The following PRR16 variants were observed in gnomAD, a reference collection of about 807,000 sequenced individuals.
The protein encoded by PRR16 is proline rich 16, also known as protein Largen.
PRR16 carries 6 observed loss-of-function variants against 18.2 expected under a neutral mutation model. The ratio of observed to expected loss-of-function variants is 0.33; its 90% confidence interval spans 0.18 to 0.65. PRR16 has a LOEUF of 0.65. Among genes scored for constraint, PRR16 ranks in the 30% least tolerant of loss-of-function variants. The pLI is 0.74. For missense variants in PRR16, 412 were observed against 376.6 expected (o/e 1.09, Z -0.78); for synonymous variants, 151 against 147.8 (o/e 1.02, Z -0.16).
chr5:120,613,764 T>C (rs78554494), intron 1 of PRR16, among the ~76,000 whole-genome samples: 3,525 of 152,234 alleles, frequency 0.023, 36 homozygotes, highest in South Asian at 0.035. Context: ...GACTGAACCT[T>C]GCATTTCAAT....
intron 1 of PRR16, among the ~76,000 whole-genome samples, chr5:120,490,700 T>C (rs1413143303): frequency 1.3e-5 from 2 of 152,262 alleles, no homozygotes; most frequent in Non-Finnish European, 2.9e-5. Flanking sequence ...GGTGAGGAAC[T>C]GCGTTCCTTT....
At chr5:120,589,658 A>G (rs1412343523) in intron 1 of PRR16, among the ~76,000 whole-genome samples, 1 of 152,088 alleles carries the variant, frequency 6.6e-6, no homozygotes, top group African/African-American at 2.4e-5. Flanking sequence ...AAAATGAGGA[A>G]GATGTGAAAG....
At chr5:120,467,745 A>C (rs1749148486) in intron 1 of PRR16, among the ~76,000 whole-genome samples, 1 of 152,168 alleles carries the variant, frequency 6.6e-6, no homozygotes, top group African/African-American at 2.4e-5. Flanking sequence ...GCAGAGGAAC[A>C]GGCTTTCTAG....
the PRR16 span, among the ~76,000 whole-genome samples, chr5:120,761,956 G>C: frequency 1.3e-5 from 2 of 151,894 alleles, no homozygotes; most frequent in Non-Finnish European, 2.9e-5. Flanking sequence ...TCCCATATAT[G>C]AGCGAAAATA....
At chr5:120,523,515 T>C (rs1306152809) in intron 1 of PRR16, among the ~76,000 whole-genome samples, 3 of 152,208 alleles carry the variant, frequency 2.0e-5, no homozygotes, top group African/African-American at 7.2e-5. Context: ...TCAATGAATA[T>C]GGTTTATTTT....
chr5:120,487,953 T>C (rs6882697), intron 1 of PRR16, among the ~76,000 whole-genome samples: 3,776 of 152,298 alleles, frequency 0.025, 121 homozygotes, highest in African/African-American at 0.074. Context: ...ATTACGTTTA[T>C]TGATTTGTGT....
chr5:120,779,105 A>C, the PRR16 span, among the ~76,000 whole-genome samples: 1 of 152,270 alleles, frequency 6.6e-6, no homozygotes, highest in Non-Finnish European at 1.5e-5. Flanking sequence ...TGCACACGTT[A>C]ACATTAGATT....
the PRR16 span, among the ~76,000 whole-genome samples, chr5:120,744,007 CTGT>C: frequency 6.6e-6 from 1 of 151,900 alleles, no homozygotes; most frequent in Non-Finnish European, 1.5e-5. Flanking sequence ...TCATCTCTTT[CTGT>C]TGTTTTATAA....
chr5:120,522,129 C>T (rs1159515068), intron 1 of PRR16, among the ~76,000 whole-genome samples: 2 of 152,180 alleles, frequency 1.3e-5, no homozygotes, highest in East Asian at 3.9e-4. Context: ...CTGCAATAAA[C>T]ATACGTGTGC....
intron 1 of PRR16, among the ~76,000 whole-genome samples, chr5:120,677,305 CCTGCCTCGCCT>C (rs1756830155): frequency 1.3e-5 from 2 of 152,272 alleles, no homozygotes; most frequent in Middle Eastern, 3.4e-3. Flanking sequence ...TTCACTACTT[CCTGCCTCGCCT>C]CTGTTAGGCT....
At chr5:120,749,457 T>C in the PRR16 span, among the ~76,000 whole-genome samples, 2 of 152,172 alleles carry the variant, frequency 1.3e-5, no homozygotes, top group Non-Finnish European at 2.9e-5. Flanking sequence ...TATAAATTAT[T>C]ATAGAAAAGT....
the PRR16 span, among the ~76,000 whole-genome samples, chr5:120,717,461 A>G: frequency 1.3e-5 from 2 of 152,168 alleles, no homozygotes; most frequent in African/African-American, 2.4e-5. Context: ...TGATGATTTG[A>G]TTAATAATCT....
At chr5:120,535,074 C>G (rs558293473) in intron 1 of PRR16, among the ~76,000 whole-genome samples, 1 of 76,546 alleles carries the variant, frequency 1.3e-5, no homozygotes, top group African/African-American at 4.8e-5. Context: ...ACTCACTTTA[C>G]ACGTGTGTGT....
At chr5:120,581,858 T>C (rs551944556) in intron 1 of PRR16, among the ~76,000 whole-genome samples, 58 of 152,198 alleles carry the variant, frequency 3.8e-4, no homozygotes, top group Non-Finnish European at 2.9e-4. Context: ...AGTTCTAATA[T>C]GATTTCACTG....
chr5:120,731,420 C>T, the PRR16 span, among the ~76,000 whole-genome samples: 1 of 152,038 alleles, frequency 6.6e-6, no homozygotes, highest in Non-Finnish European at 1.5e-5. Context: ...GCTTGTACCA[C>T]CTCATAGAAA....
chr5:120,682,183 G>A (rs1756993813), intron 1 of PRR16, among the ~76,000 whole-genome samples: 1 of 152,176 alleles, frequency 6.6e-6, no homozygotes, highest in Non-Finnish European at 1.5e-5. Context: ...TCTTCTGTCA[G>A]AGGACCTTTA....
chr5:120,726,637 ATAGT>A, the PRR16 span, among the ~76,000 whole-genome samples: 6 of 152,218 alleles, frequency 3.9e-5, no homozygotes, highest in African/African-American at 1.4e-4. Context: ...ATATGATTTG[ATAGT>A]TAATAATGCC....
the PRR16 span, among the ~76,000 whole-genome samples, chr5:120,752,392 G>T: frequency 0.75 from 113,800 of 151,690 alleles, 43,034 homozygotes; most frequent in East Asian, 0.85. Context: ...AGAGAAACCT[G>T]GCTTCATAAC....
At chr5:120,665,085 T>C (rs1756322618) in intron 1 of PRR16, among the ~76,000 whole-genome samples, 2 of 135,630 alleles carry the variant, frequency 1.5e-5, no homozygotes, top group East Asian at 2.0e-4. Flanking sequence ...AGTGTAAAAG[T>C]GTTCCTATTT....
Sources: gnomAD v4.1 joint callset for allele counts (sites outside exome capture counted in the v4.1 genomes callset) on GRCh38, gnomAD v4.1.1 for gene constraint, MANE v1.5 for transcripts, NCBI Gene and HGNC (gene_info 2026-07-23, HGNC 2026-07-21) for gene names.